PDGFRL: variants seen among roughly 807,000 people sequenced by gnomAD.
The protein encoded by PDGFRL is platelet derived growth factor receptor like, also known as platelet-derived growth factor receptor-like protein.
A neutral mutation model predicts 37.2 loss-of-function variants in PDGFRL; 46 were observed. The observed-to-expected ratio is 1.24, with a 90% CI of 0.98 to 1.58. The LOEUF (loss-of-function observed/expected upper bound fraction) is 1.58. Ranked by LOEUF, PDGFRL falls within the 40% of genes most tolerant of loss-of-function variation. The pLI is 0.00. For synonymous variants in PDGFRL, 251 were observed against 184.3 expected (o/e 1.36, Z -2.93); for missense variants, 692 against 467.6 (o/e 1.48, Z -4.43).
chr8:17,593,705 A>T lies in PDGFRL; in HGVS notation c.353+3940A>T, dbSNP rs67105491. Among the ~76,000 whole-genome samples, 799 of 152,002 alleles carry T rather than the reference A, an allele frequency of 5.3e-3. 6 individuals are homozygous for T. Among genetic ancestry groups the T allele is most frequent in the African/African-American group, 0.017 (717 of 41,470 alleles). The stretch of plus-strand genomic sequence containing the variant: ...AGGTCAGGAGTTCGAGACCAGCCTG[A>T]CCAACACAGCGAAACCCCGTCTCTA... On this transcript the variant is annotated intron_variant, in intron 2 of 5. Coordinates refer to ENST00000251630, the MANE Select transcript of PDGFRL (RefSeq NM_001372073.1).
intron 2 of PDGFRL, among the ~76,000 whole-genome samples, chr8:17,597,766 G>T (rs1200470709): frequency 2.0e-5 from 3 of 152,122 alleles, no homozygotes; most frequent in Admixed American, 2.0e-4. Flanking sequence ...TGGTGTTTTA[G>T]CAAGGATGCT....
intron 2 of PDGFRL, among the ~76,000 whole-genome samples, chr8:17,615,169 A>G (rs921813533): frequency 1.3e-5 from 2 of 152,158 alleles, no homozygotes; most frequent in African/African-American, 4.8e-5. Context: ...TTAATAACTG[A>G]TGGGTGTCCC....
chr8:17,634,369 G>A (rs1563530510), intron 5 of PDGFRL, among the ~76,000 whole-genome samples, 156 bp downstream of exon 5: 1 of 151,594 alleles, frequency 6.6e-6, no homozygotes, highest in East Asian at 1.9e-4. Flanking sequence ...GGTATTGTTT[G>A]TTTTTTTTGA....
intron 2 of PDGFRL, chr8:17,596,349 C>A: frequency 8.1e-7 from 1 of 1,239,288 alleles, no homozygotes; most frequent in Non-Finnish European, 1.0e-6. Flanking sequence ...TGGGAAGAAG[C>A]CAACGCGCCC....
chr8:17,642,372 A>G (rs188661524), intron 5 of PDGFRL, among the ~76,000 whole-genome samples: 3 of 152,372 alleles, frequency 2.0e-5, no homozygotes, highest in East Asian at 1.9e-4. Context: ...CTTACAGAAG[A>G]AAAGGGCAGA....
At chr8:17,600,162 C>A (rs938303922) in intron 2 of PDGFRL, among the ~76,000 whole-genome samples, 28 of 152,034 alleles carry the variant, frequency 1.8e-4, no homozygotes, top group African/African-American at 6.8e-4. Context: ...GGCTCCTGGC[C>A]CCATTACTCC....
chr8:17,625,599 T>C (rs1193961284), intron 3 of PDGFRL, among the ~76,000 whole-genome samples: 1 of 152,226 alleles, frequency 6.6e-6, no homozygotes, highest in African/African-American at 2.4e-5. Flanking sequence ...TTATTGTTGA[T>C]GGAAGCTACG....
chr8:17,593,604 A>T (rs552493639), intron 2 of PDGFRL, among the ~76,000 whole-genome samples: 6 of 150,704 alleles, frequency 4.0e-5, no homozygotes, highest in African/African-American at 1.2e-4. Context: ...TTCAAAAAAA[A>T]AAAAAAAATT....
intron 2 of PDGFRL, among the ~76,000 whole-genome samples, chr8:17,619,525 T>G (rs574225806): frequency 6.6e-6 from 1 of 152,326 alleles, no homozygotes; most frequent in African/African-American, 2.4e-5. Flanking sequence ...GCCCAAACCC[T>G]TTAAATACTT....
intron 2 of PDGFRL, among the ~76,000 whole-genome samples, chr8:17,620,506 A>G (rs1045741184): frequency 6.6e-6 from 1 of 152,162 alleles, no homozygotes; most frequent in Admixed American, 6.5e-5. Flanking sequence ...AATGTGGTAC[A>G]TTTTTGACAA....
intron 2 of PDGFRL, among the ~76,000 whole-genome samples, chr8:17,612,045 T>C (rs560861548): frequency 4.9e-4 from 74 of 152,250 alleles, no homozygotes; most frequent in African/African-American, 1.7e-3. Flanking sequence ...GGGAGCAGAA[T>C]GGCTAAGAAA....
intron 5 of PDGFRL, among the ~76,000 whole-genome samples, chr8:17,634,481 GT>G (rs35721942): frequency 0.018 from 2,613 of 144,950 alleles, 59 homozygotes; most frequent in African/African-American, 0.053. Flanking sequence ...TCATATGCAG[GT>G]TTTTTTTTTT....
intron 2 of PDGFRL, among the ~76,000 whole-genome samples, chr8:17,599,117 T>G (rs1305706435): frequency 1.3e-5 from 2 of 152,232 alleles, no homozygotes; most frequent in Non-Finnish European, 2.9e-5. Context: ...TGCACCTTTA[T>G]GTCTTTACTT....
intron 5 of PDGFRL, among the ~76,000 whole-genome samples, chr8:17,635,010 A>G (rs1278631769): frequency 2.0e-5 from 3 of 152,108 alleles, no homozygotes; most frequent in Admixed American, 6.5e-5. Flanking sequence ...GAGGAAAGGG[A>G]AATGAAGGAT....
chr8:17,608,018 C>G (rs1585315413), intron 2 of PDGFRL, among the ~76,000 whole-genome samples: 1 of 152,326 alleles, frequency 6.6e-6, no homozygotes, highest in Non-Finnish European at 1.5e-5. Context: ...AGTTGCTGCC[C>G]TGGGGAGTCC....
At chr8:17,638,816 C>T (rs7838376) in intron 5 of PDGFRL, among the ~76,000 whole-genome samples, 105,090 of 126,376 alleles carry the variant, frequency 0.83, 44,570 homozygotes, top group Non-Finnish European at 0.91. Context: ...TGGGCAAGTC[C>T]TTTTATCATT....
intron 2 of PDGFRL, among the ~76,000 whole-genome samples, chr8:17,592,569 C>T (rs748749725): frequency 1.4e-4 from 21 of 152,320 alleles, no homozygotes; most frequent in Non-Finnish European, 2.5e-4. Context: ...AGACACTCTG[C>T]TTTCGCTGCC....
At chr8:17,597,349 G>A (rs988035277) in intron 2 of PDGFRL, among the ~76,000 whole-genome samples, 3 of 152,132 alleles carry the variant, frequency 2.0e-5, no homozygotes, top group Non-Finnish European at 2.9e-5. Context: ...CAATATTGTT[G>A]GCTTTCTGGA....
rs527940613 is a variant in PDGFRL at position 17,627,636 on chromosome 8, A to AT, written c.506-838dup. Among the ~76,000 whole-genome samples the AT allele has an allele frequency of 1.6e-3, 225 of 141,356 alleles. 1 individual carries two copies. The highest frequency in any genetic ancestry group is 4.3e-3 in the African/African-American group (157 of 36,546). 92.7% of individuals were successfully genotyped at this position (141,356 alleles called of 152,430 possible). On this transcript the variant is annotated intron_variant, in intron 3 of 5. Transcript: ENST00000251630. Reference sequence around the variant, plus strand: ...AGGCGCGCACCACCACACTCAGCTAATTTTTTTTTTTTTATTTTTAGTTGA... The same window carrying AT: ...AGGCGCGCACCACCACACTCAGCTAATTTTTTTTTTTTTTATTTTTAGTTGA...
Sources: allele counts gnomAD v4.1 joint callset (sites outside exome capture counted in the v4.1 genomes callset), GRCh38; gene constraint gnomAD v4.1.1; transcripts MANE v1.5; gene names NCBI Gene and HGNC (gene_info 2026-07-23, HGNC 2026-07-21).